The following CREM variants were observed in gnomAD, a reference collection of about 807,000 sequenced individuals.
CREM encodes cAMP-responsive element modulator.
A neutral mutation model predicts 37.3 loss-of-function variants in CREM; 13 were observed. That is an observed-to-expected ratio of 0.35 (90% CI 0.23 to 0.55). The LOEUF is 0.55. Among genes scored for constraint, CREM ranks in the 20% least tolerant of loss-of-function variants. CREM has a pLI of 0.88. For missense variants in CREM, 296 were observed against 362.3 expected (o/e 0.82, Z 1.49); for synonymous variants, 124 against 120.2 (o/e 1.03, Z -0.21).
Position 35,137,781 on chromosome 10 carries a change from G to A in CREM, c.-54-1G>A, listed in dbSNP as rs1018736646. 4 of 1,386,524 alleles carry A rather than the reference G, an allele frequency of 2.9e-6. No individual in the cohort carries two copies. In the African/African-American group the frequency reaches 5.9e-5, roughly 20 times the overall value. 85.9% of individuals were successfully genotyped at this position (1,386,524 alleles called of 1,614,324 possible). Reference sequence around the variant, plus strand: ...AATTCAACATTATAATTTTACTGCAGGATAAATAAAGAAAACAGGAAAGGA... The same window carrying A: ...AATTCAACATTATAATTTTACTGCAAGATAAATAAAGAAAACAGGAAAGGA... On this transcript the variant is annotated splice_acceptor_variant, in intron 1 of 7. Transcript: ENST00000685392. LOFTEE classifies it low-confidence loss of function (5UTR_SPLICE).
intron 3 of CREM, among the ~76,000 whole-genome samples, chr10:35,168,390 G>A (rs1400976168): frequency 6.6e-6 from 1 of 152,220 alleles, no homozygotes; most frequent in South Asian, 2.1e-4. Flanking sequence ...CTGCATAAAT[G>A]TCTTCTTTTG....
chr10:35,179,200 GGAA>G lies in CREM; in HGVS notation c.338_340del (p.Glu113del). The G allele has an allele frequency of 6.2e-7, 1 of 1,614,076 alleles. No homozygotes were observed. The highest frequency in any genetic ancestry group is 8.5e-7 in the Non-Finnish European group (1 of 1,179,980). On this transcript the variant is annotated inframe_deletion, in exon 5 of 8. Coordinates refer to ENST00000685392, the MANE Select transcript of CREM (RefSeq NM_183011.2). ...CCAAGATTGAAGAAGAGAGATCAGAGGAAGAAGGAACACCACCTAGTATTGCTA... is the reference window on the plus strand; with the variant it reads ...CCAAGATTGAAGAAGAGAGATCAGAGGAAGGAACACCACCTAGTATTGCTA...
intron 3 of CREM, among the ~76,000 whole-genome samples, chr10:35,153,195 G>A (rs529994504): frequency 3.9e-4 from 59 of 152,282 alleles, no homozygotes; most frequent in African/African-American, 1.4e-3. Flanking sequence ...AGTGCACTGT[G>A]ATCATGCCTA....
intron 3 of CREM, among the ~76,000 whole-genome samples, chr10:35,173,364 A>G (rs1293832009): frequency 6.6e-6 from 1 of 152,220 alleles, no homozygotes; most frequent in Admixed American, 6.5e-5. Context: ...TTTTCTTCAC[A>G]TACCAACTAA....
Position 35,154,209 on chromosome 10 carries a change from G to T in CREM, c.168+5718G>T, listed in dbSNP as rs528561859. On this transcript the variant is annotated intron_variant, in intron 3 of 7. Transcript: ENST00000685392. Reference sequence around the variant, plus strand: ...TTTTAATCTGGTGGAAAATTGGAATGGCATTTCTCTGTTTTGCCCAGCTAT... The same window carrying T: ...TTTTAATCTGGTGGAAAATTGGAATTGCATTTCTCTGTTTTGCCCAGCTAT... The T allele has an allele frequency of 1.3e-5, 5 of 396,430 alleles. No homozygotes were observed. The Admixed American group carries it at 1.3e-4, about 10-fold the overall frequency. 24.6% of individuals were successfully genotyped at this position (396,430 alleles called of 1,614,324 possible).
In CREM at chr10:35,149,889, AACACACACAC is replaced by A. The variant is rs55971717; in HGVS notation, c.168+1439_168+1448del. On this transcript the variant is annotated intron_variant, in intron 3 of 7. Transcript: ENST00000685392. The stretch of plus-strand genomic sequence containing the variant: ...TAGGTTAGGCCAGGCCTTTTGCTTA[AACACACACAC>A]ACACACACACACACACACACACACA... 3.4e-3 allele frequency among the ~76,000 whole-genome samples: 383 copies of A among 111,918 alleles called. 2 individuals carry two copies. Among genetic ancestry groups the A allele is most frequent in the East Asian group, 0.013 (49 of 3,658 alleles). 73.4% of individuals were successfully genotyped at this position (111,918 alleles called of 152,430 possible). A position where few individuals can be genotyped will look rare whatever the true frequency, so the allele number is the denominator to read the frequency against.
Position 35,211,780 on chromosome 10 carries a change from T to C in CREM, c.*382T>C, listed in dbSNP as rs1157413718. 1 of 1,612,646 alleles carries C rather than the reference T, an allele frequency of 6.2e-7. No individual in the cohort carries two copies. The highest frequency in any genetic ancestry group is 8.5e-7 in the Non-Finnish European group (1 of 1,179,642). On this transcript the variant is annotated 3_prime_UTR_variant, in exon 8 of 8. Transcript: ENST00000685392. Reference sequence around the variant, plus strand: ...GGAACTTGAAACCTTGAAAGACATTTGTTCTCCCAAAACAGATTACTAGAA... The same window carrying C: ...GGAACTTGAAACCTTGAAAGACATTCGTTCTCCCAAAACAGATTACTAGAA...
At chr10:35,171,886 C>T (rs2093837475) in intron 3 of CREM, among the ~76,000 whole-genome samples, 1 of 152,174 alleles carries the variant, frequency 6.6e-6, no homozygotes. Context: ...ATTTCCACCA[C>T]CCAGCTATGT....
At chr10:35,183,187 A>C (rs993352397) in intron 5 of CREM, among the ~76,000 whole-genome samples, 3 of 152,112 alleles carry the variant, frequency 2.0e-5, no homozygotes, top group Admixed American at 6.5e-5. Context: ...GAATCTTATT[A>C]GAGTATTAAC....
chr10:35,195,617 A>G (rs564450983), intron 6 of CREM, among the ~76,000 whole-genome samples: 1 of 152,292 alleles, frequency 6.6e-6, no homozygotes, highest in South Asian at 2.1e-4. Context: ...CAGATTAAAC[A>G]TACAGTATAT....
intron 3 of CREM, among the ~76,000 whole-genome samples, chr10:35,163,887 A>G (rs1185825034): frequency 1.3e-5 from 2 of 151,960 alleles, no homozygotes; most frequent in Non-Finnish European, 2.9e-5. Context: ...TTGTAGTTCA[A>G]ATTACTCAGG....
At position 35,211,609 on chromosome 10, in the gene CREM, G is replaced by T; in HGVS notation, c.*211G>T. On this transcript the variant is annotated 3_prime_UTR_variant, in exon 8 of 8. Transcript: ENST00000685392. The stretch of plus-strand genomic sequence containing the variant: ...GCTTACTTTGATCTGTTTGTCAATA[G>T]CATGCAAAAAATGCTTTGTTTGCCC... The T allele has an allele frequency of 6.3e-7, 1 of 1,597,902 alleles. No homozygotes were observed. Among genetic ancestry groups the T allele is most frequent in the Non-Finnish European group, 8.5e-7 (1 of 1,172,154 alleles).
chr10:35,201,585 C>A, intron 6 of CREM: 3 of 1,429,316 alleles, frequency 2.1e-6, no homozygotes, highest in Non-Finnish European at 2.9e-6. Flanking sequence ...TAGTTAATGA[C>A]CAAAATTGAG....
intron 3 of CREM, among the ~76,000 whole-genome samples, chr10:35,171,528 C>A (rs1343019971): frequency 6.6e-6 from 1 of 152,062 alleles, no homozygotes; most frequent in Non-Finnish European, 1.5e-5. Context: ...ATGATTAAAG[C>A]AATGTAAAGG....
chr10:35,202,293 C>T (rs1056547063), intron 6 of CREM, among the ~76,000 whole-genome samples: 5 of 152,202 alleles, frequency 3.3e-5, no homozygotes, highest in East Asian at 1.9e-4. Flanking sequence ...GGTGTCTTAT[C>T]TGCTTTAAAT....
At chr10:35,188,859 T>C (rs1255739306) in intron 6 of CREM, among the ~76,000 whole-genome samples, 2 of 152,070 alleles carry the variant, frequency 1.3e-5, no homozygotes, top group East Asian at 1.9e-4. Flanking sequence ...GGTTTCACCA[T>C]GTTGGGCAGG....
At chr10:35,132,218 G>GA (rs958872311) in intron 1 of CREM, among the ~76,000 whole-genome samples, 9 of 112,390 alleles carry the variant, frequency 8.0e-5, no homozygotes, top group Admixed American at 5.8e-4. Flanking sequence ...AAAAAAAAAA[G>GA]AAAAAAAAAT....
At chr10:35,138,837 A>G (rs2091010908) in intron 2 of CREM, among the ~76,000 whole-genome samples, 1 of 151,688 alleles carries the variant, frequency 6.6e-6, no homozygotes, top group Non-Finnish European at 1.5e-5. Flanking sequence ...AGCCTGGGGA[A>G]AAAAAAAGAG....
Position 35,211,900 on chromosome 10 carries a change from A to G in CREM, c.*502A>G, listed in dbSNP as rs1227730186. On this transcript the variant is annotated 3_prime_UTR_variant, in exon 8 of 8. Transcript: ENST00000685392. ...AATGGTGGCTTCTTTTCTTTGTATCATTCATCTTCTTCTTTAATCACTTAA... is the reference window on the plus strand; with the variant it reads ...AATGGTGGCTTCTTTTCTTTGTATCGTTCATCTTCTTCTTTAATCACTTAA... 1.7e-6 allele frequency: 2 copies of G among 1,184,446 alleles called. No homozygotes were observed. Among genetic ancestry groups the G allele is most frequent in the Non-Finnish European group, 2.3e-6 (2 of 876,808 alleles). 73.4% of individuals were successfully genotyped at this position (1,184,446 alleles called of 1,614,324 possible).
Sources: allele counts gnomAD v4.1 joint callset (sites outside exome capture counted in the v4.1 genomes callset), GRCh38; gene constraint gnomAD v4.1.1; transcripts MANE v1.5; gene names NCBI Gene and HGNC (gene_info 2026-07-23, HGNC 2026-07-21).